APBB1IP: variants seen among roughly 807,000 people sequenced by gnomAD.
APBB1IP encodes the protein amyloid beta A4 precursor protein-binding family B member 1-interacting protein.
APBB1IP carries 27 observed loss-of-function variants against 64.9 expected under a neutral mutation model. The observed-to-expected ratio is 0.42, with a 90% CI of 0.31 to 0.57. The LOEUF (loss-of-function observed/expected upper bound fraction) is 0.57, where lower values mean the gene tolerates loss of function less well. Among genes scored for constraint, APBB1IP ranks in the 20% least tolerant of loss-of-function variants. The pLI, the probability that APBB1IP is intolerant of heterozygous loss-of-function variation, is 0.20. For synonymous variants in APBB1IP, 392 were observed against 331.0 expected (o/e 1.18, Z -2.00); for missense variants, 812 against 845.5 (o/e 0.96, Z 0.49).
rs563447745 is a variant in APBB1IP at position 26,492,409 on chromosome 10, C to G, written c.72+11C>G. The stretch of plus-strand genomic sequence containing the variant: ...GATCTTCTGACTCAGGTAAACTTCC[C>G]TTTTTAACTGGCAAATTGGAAAACA... On this transcript the variant is annotated intron_variant, in intron 3 of 14. Transcript: ENST00000376236. 1 of 1,612,630 alleles carries G rather than the reference C, an allele frequency of 6.2e-7. No individual in the cohort carries two copies. The highest frequency in any genetic ancestry group is 1.3e-5 in the African/African-American group (1 of 74,980).
At chr10:26,524,892 G>A (rs1023611396) in intron 8 of APBB1IP, among the ~76,000 whole-genome samples, 1 of 149,170 alleles carries the variant, frequency 6.7e-6, no homozygotes, top group Non-Finnish European at 1.5e-5. Context: ...CCTTAGGAAG[G>A]AATTTGGGCA....
intron 2 of APBB1IP, among the ~76,000 whole-genome samples, chr10:26,458,061 G>A (rs1835547824): frequency 6.6e-6 from 1 of 152,130 alleles, no homozygotes; most frequent in Admixed American, 6.6e-5. Flanking sequence ...GGAGCCGAAA[G>A]TGCAAGGACT....
chr10:26,566,813 G>T, intron 14 of APBB1IP, 148 bp from the exon 15 acceptor site: 1 of 837,354 alleles, frequency 1.2e-6, no homozygotes, highest in South Asian at 1.9e-5. Context: ...GCTTGAGCTC[G>T]GGAGGTCGAG....
In APBB1IP at chr10:26,487,737, G is replaced by T. The variant is rs563037019; in HGVS notation, c.1-4590G>T. On this transcript the variant is annotated intron_variant, in intron 2 of 14. Transcript: ENST00000376236. ...TATAGCAGTGGTGTGCACAGCCTGAGAAACGAAGGCCTTTGGGTTCAGTGG... is the reference window on the plus strand; with the variant it reads ...TATAGCAGTGGTGTGCACAGCCTGATAAACGAAGGCCTTTGGGTTCAGTGG... Among the ~76,000 whole-genome samples the T allele has an allele frequency of 6.6e-5, 10 of 152,296 alleles. No individual in the cohort carries two copies. In the South Asian group the frequency reaches 1.0e-3, roughly 16 times the overall value.
chr10:26,524,094 G>A (rs116259758), intron 8 of APBB1IP, among the ~76,000 whole-genome samples: 1,915 of 152,174 alleles, frequency 0.013, 37 homozygotes, highest in African/African-American at 0.044. Context: ...GAAGCCAGAC[G>A]ATCTCTGTGA....
Position 26,511,880 on chromosome 10 carries a change from A to G in APBB1IP, c.665A>G (p.Tyr222Cys), listed in dbSNP as rs372693226. Residue 222 changes from tyrosine (Y) to cysteine (C), a missense_variant, in exon 7 of 15, where the codon TAT becomes TGT. Tyr to Cys is a radical substitution (Grantham distance 194). Transcript: ENST00000376236. ...GACTGCAATGTAGACTGGTGTCTTT[A>G]TGAAATCTACCCGGAACTACAAATT... Reference protein sequence around the residue: ...HCDCNVDWCLYEIYPELQIER... With the variant: ...HCDCNVDWCLCEIYPELQIER... The G allele has an allele frequency of 2.5e-6, 4 of 1,614,088 alleles. No homozygotes were observed. The African/African-American group carries it at 4.0e-5, about 16-fold the overall frequency.
At chr10:26,449,450 C>T (rs763656920) in intron 2 of APBB1IP, among the ~76,000 whole-genome samples, 1 of 152,140 alleles carries the variant, frequency 6.6e-6, no homozygotes, top group African/African-American at 2.4e-5. Context: ...TTAAGCACTT[C>T]ATATGCACCA....
In APBB1IP at chr10:26,511,842, GA is replaced by G; in HGVS notation, c.631del (p.Thr211LeufsTer7). ...ARDVLDNLFE[K>X]THCDCNVDWC... is the part of the protein sequence containing the mutation. ...GAGATGTTCTGGACAACCTTTTCGA[GA>G]AAACTCATTGTGACTGCAATGTAGA... On this transcript the variant is annotated frameshift_variant, in exon 7 of 15. Transcript: ENST00000376236. LOFTEE classifies it high-confidence loss of function. 6.2e-7 allele frequency: 1 copy of G among 1,614,156 alleles called. No individual in the cohort carries two copies. Among genetic ancestry groups the G allele is most frequent in the Non-Finnish European group, 8.5e-7 (1 of 1,180,038 alleles).
At chr10:26,452,676 T>C (rs1163193871) in intron 2 of APBB1IP, among the ~76,000 whole-genome samples, 1 of 152,222 alleles carries the variant, frequency 6.6e-6, no homozygotes, top group African/African-American at 2.4e-5. Context: ...ACTATTCTTT[T>C]TTTAATTTTT....
At chr10:26,531,803 C>T (rs1836558201) in intron 8 of APBB1IP, among the ~76,000 whole-genome samples, 1 of 152,056 alleles carries the variant, frequency 6.6e-6, no homozygotes, top group South Asian at 2.1e-4. Flanking sequence ...TCAGCATGAC[C>T]AGGCATGGTG....
At position 26,562,402 on chromosome 10, in the gene APBB1IP, G is replaced by A; in HGVS notation, c.1446G>A (p.Glu482=). 6.2e-7 allele frequency: 1 copy of A among 1,613,944 alleles called. No homozygotes were observed. The change falls in exon 14 of 15, where the codon GAG becomes GAA. Residue 482 remains glutamate, a synonymous_variant. Coordinates refer to ENST00000376236, the MANE Select transcript of APBB1IP (RefSeq NM_019043.4). ...ATTCTGTCAGTGCTGTTCTCCAAGAGGCCCAGAGACATGCTGAAACATCGA... is the reference window on the plus strand; with the variant it reads ...ATTCTGTCAGTGCTGTTCTCCAAGAAGCCCAGAGACATGCTGAAACATCGA... ...ATHSVSAVLQ[E]AQRHAETSKD...
intron 5 of APBB1IP, among the ~76,000 whole-genome samples, chr10:26,502,637 A>G (rs787038): frequency 0.94 from 140,841 of 150,426 alleles, 66,082 homozygotes; most frequent in African/African-American, 0.98. Context: ...GTGAGACTCC[A>G]TCTCAAAAAA....
intron 5 of APBB1IP, among the ~76,000 whole-genome samples, chr10:26,502,855 A>G (rs1836123798): frequency 6.6e-6 from 1 of 152,170 alleles, no homozygotes; most frequent in African/African-American, 2.4e-5. Flanking sequence ...TTCTGGTCTA[A>G]ATATACGAAC....
intron 2 of APBB1IP, among the ~76,000 whole-genome samples, chr10:26,455,929 T>C (rs1835519914): frequency 6.6e-6 from 1 of 152,076 alleles, no homozygotes; most frequent in Non-Finnish European, 1.5e-5. Flanking sequence ...TAAAAAGAAA[T>C]GAAGTGTCAG....
chr10:26,540,701 C>T (rs1289274290), intron 10 of APBB1IP, among the ~76,000 whole-genome samples: 2 of 151,886 alleles, frequency 1.3e-5, no homozygotes, highest in African/African-American at 2.4e-5. Flanking sequence ...GAAAGCGAAA[C>T]AAAAAACTAA....
At chr10:26,474,631 A>G in intron 2 of APBB1IP, among the ~76,000 whole-genome samples, 1 of 152,368 alleles carries the variant, frequency 6.6e-6, no homozygotes, top group South Asian at 2.1e-4. Context: ...GTTGGTTTAA[A>G]AAATAAGTTT....
intron 2 of APBB1IP, among the ~76,000 whole-genome samples, chr10:26,487,598 G>C (rs1190498977): frequency 6.6e-6 from 1 of 152,100 alleles, no homozygotes; most frequent in Non-Finnish European, 1.5e-5. Context: ...GGAAAGGGCA[G>C]GGGGAAAGAT....
chr10:26,545,614 G>T (rs1290625121), intron 11 of APBB1IP, among the ~76,000 whole-genome samples: 2 of 152,104 alleles, frequency 1.3e-5, no homozygotes, highest in Non-Finnish European at 2.9e-5. Context: ...CAAAAAATTA[G>T]CCGGGCGTGG....
intron 2 of APBB1IP, among the ~76,000 whole-genome samples, chr10:26,454,636 T>TA (rs1206646465): frequency 2.0e-5 from 3 of 152,056 alleles, no homozygotes; most frequent in Non-Finnish European, 4.4e-5. Context: ...AAAGAATGAA[T>TA]AAGACCTAGT....
Sources: gnomAD v4.1 joint callset for allele counts (sites outside exome capture counted in the v4.1 genomes callset) on GRCh38, gnomAD v4.1.1 for gene constraint, MANE v1.5 for transcripts, NCBI Gene and HGNC (gene_info 2026-07-23, HGNC 2026-07-21) for gene names.